The following VGLL4 variants were observed in gnomAD, a reference collection of about 807,000 sequenced individuals.
VGLL4 encodes transcription cofactor vestigial-like protein 4.
VGLL4 carries 7 observed loss-of-function variants against 21.0 expected under a neutral mutation model. That is an observed-to-expected ratio of 0.33 (90% CI 0.19 to 0.63). The LOEUF (loss-of-function observed/expected upper bound fraction) is 0.63, where lower values mean the gene tolerates loss of function less well. Among genes scored for constraint, VGLL4 ranks in the 20% least tolerant of loss-of-function variants. The pLI is 0.78. For synonymous variants in VGLL4, 222 were observed against 173.2 expected (o/e 1.28, Z -2.21); for missense variants, 394 against 425.7 (o/e 0.93, Z 0.66).
At chr3:11,609,149 T>C (rs533892562) in intron 1 of VGLL4, among the ~76,000 whole-genome samples, 1 of 152,342 alleles carries the variant, frequency 6.6e-6, no homozygotes, top group East Asian at 1.9e-4. Context: ...ATTACAGGCC[T>C]GAGCCACCGA....
intron 1 of VGLL4, chr3:11,604,414 A>G: frequency 1.0e-6 from 1 of 957,148 alleles, no homozygotes; most frequent in Non-Finnish European, 1.2e-6. Context: ...GTGCAGCCTC[A>G]CACAAGGCTT....
intron 1 of VGLL4, among the ~76,000 whole-genome samples, chr3:11,631,953 T>G (rs1284183367): frequency 6.6e-6 from 1 of 152,166 alleles, no homozygotes; most frequent in African/African-American, 2.4e-5. Flanking sequence ...TCTGTCCTAT[T>G]CAAGGCAGCG....
rs1168773498 is a variant in VGLL4, at chr3:11,565,932, C to T, written c.273-913G>A. On this transcript the variant is annotated intron_variant, in intron 2 of 4. Transcript: ENST00000430365. The surrounding 1 kb of genome is among the most constrained non-coding windows in gnomAD (Gnocchi z 4.1). The stretch of plus-strand genomic sequence containing the variant: ...CCTTGGGTCTTGCCCCTTCAATCCA[C>T]CATATTATCCGCTGACAGAGTAACC... 1.3e-5 allele frequency among the ~76,000 whole-genome samples: 2 copies of T among 152,190 alleles called. No homozygotes were observed. Among genetic ancestry groups the T allele is most frequent in the Non-Finnish European group, 2.9e-5 (2 of 68,036 alleles).
intron 1 of VGLL4, among the ~76,000 whole-genome samples, chr3:11,634,659 T>C (rs1038768368): frequency 1.4e-5 from 2 of 140,478 alleles, no homozygotes; most frequent in Admixed American, 1.5e-4. Flanking sequence ...ACCTTATTTC[T>C]GAAGGAATGA....
At chr3:11,587,284 C>A (rs955968184) in intron 2 of VGLL4, among the ~76,000 whole-genome samples, 1 of 152,200 alleles carries the variant, frequency 6.6e-6, no homozygotes, top group Non-Finnish European at 1.5e-5. Flanking sequence ...GAATCCCTGC[C>A]GATGAAGGAG....
chr3:11,669,407 A>G (rs1292407078), intron 2 of VGLL4, among the ~76,000 whole-genome samples: 2 of 152,168 alleles, frequency 1.3e-5, no homozygotes, highest in African/African-American at 4.8e-5. Flanking sequence ...GTTTTCCTCT[A>G]AAGTCTAAGA....
Position 11,565,059 on chromosome 3 carries a change from A to T in VGLL4, c.273-40T>A, listed in dbSNP as rs768388698. The T allele has an allele frequency of 6.9e-7, 1 of 1,456,088 alleles. No homozygotes were observed. The highest frequency in any genetic ancestry group is 1.5e-5 in the African/African-American group (1 of 68,502). The allele number at this position is 1,456,088 out of a possible 1,614,324, so 90.2% of individuals were successfully genotyped here. ...TGGGCATTCAGGGGGCGTTTTCTCA[A>T]AGGCAAAGGGGACAGTGACTGTGCG... On this transcript the variant is annotated intron_variant, in intron 2 of 4. Coordinates refer to ENST00000430365, the MANE Select transcript of VGLL4 (RefSeq NM_001128219.3). This position sits in a 1 kb window ranked among gnomAD's most constrained non-coding sequence, Gnocchi z 4.1.
At chr3:11,695,113 C>G (rs1356696835) in intron 2 of VGLL4, among the ~76,000 whole-genome samples, 1 of 147,648 alleles carries the variant, frequency 6.8e-6, no homozygotes, top group Non-Finnish European at 1.5e-5. Context: ...TGCAGTGGTG[C>G]AATCTCGGCT....
intron 1 of VGLL4, chr3:11,607,310 G>C (rs1209640971): frequency 1.3e-5 from 2 of 152,130 alleles, no homozygotes; most frequent in African/African-American, 4.8e-5. Flanking sequence ...ACAGTATGCT[G>C]AGTGAAGGAA....
At position 11,557,859 on chromosome 3, in the gene VGLL4, C is replaced by G. The variant is rs2072585642; in HGVS notation, c.*697G>C. 6.6e-6 allele frequency: 1 copy of G among 152,316 alleles called. No individual in the cohort carries two copies. The highest frequency in any genetic ancestry group is 1.5e-5 in the Non-Finnish European group (1 of 68,130). 9.4% of individuals were successfully genotyped at this position (152,316 alleles called of 1,614,324 possible). A position where few individuals can be genotyped will look rare whatever the true frequency, so the allele number is the denominator to read the frequency against. On this transcript the variant is annotated 3_prime_UTR_variant, in exon 5 of 5. Transcript: ENST00000430365. ...AGAGTCTGCAGTCCAGTTGCAAGCA[C>G]CTGAAATCTAGAGAGAGAAAGACCT...
At chr3:11,599,994 A>T (rs2074752331) in intron 2 of VGLL4, among the ~76,000 whole-genome samples, 1 of 152,198 alleles carries the variant, frequency 6.6e-6, no homozygotes. Context: ...GAACCCAGGC[A>T]TTTTGATTAA....
chr3:11,704,966 C>G (rs2076738189), intron 1 of VGLL4, among the ~76,000 whole-genome samples: 1 of 152,170 alleles, frequency 6.6e-6, no homozygotes, highest in South Asian at 2.1e-4. Context: ...AGTTCCTCCC[C>G]CAGAAGGGAA....
intron 1 of VGLL4, among the ~76,000 whole-genome samples, chr3:11,641,476 G>A (rs7621621): frequency 0.12 from 17,695 of 152,100 alleles, 2,072 homozygotes; most frequent in African/African-American, 0.29. Flanking sequence ...AATCCCGTGT[G>A]TGATTTATGC....
At chr3:11,619,146 G>A (rs934373816) in intron 1 of VGLL4, among the ~76,000 whole-genome samples, 1 of 152,212 alleles carries the variant, frequency 6.6e-6, no homozygotes, top group Admixed American at 6.5e-5. Flanking sequence ...AAGTGAAAAT[G>A]ATGGAAGATG....
chr3:11,647,944 C>A (rs1336406228), upstream of VGLL4, among the ~76,000 whole-genome samples: 2 of 151,384 alleles, frequency 1.3e-5, no homozygotes, highest in African/African-American at 2.4e-5. Flanking sequence ...TTAAGAAACA[C>A]CATGTAGATT....
intron 1 of VGLL4, among the ~76,000 whole-genome samples, chr3:11,639,063 G>T (rs56664144): frequency 6.6e-6 from 1 of 152,158 alleles, no homozygotes; most frequent in East Asian, 1.9e-4. Flanking sequence ...TATAAATCAC[G>T]CTATTAAATT....
In VGLL4 at chr3:11,659,333, T is replaced by C. The variant is rs1425096215; in HGVS notation, c.64+43638A>G. ...TCTTTTCTTTTTCTTTTTCTTTTTT[T>C]TTTTTTTTTTTTTTTGAGACAGAGT... On this transcript the variant is annotated intron_variant, in intron 2 of 5. Transcript: ENST00000273038. 1.3e-4 allele frequency among the ~76,000 whole-genome samples: 18 copies of C among 140,892 alleles called. 1 individual carries two copies. The highest frequency in any genetic ancestry group is 4.6e-4 in the South Asian group (2 of 4,302). The allele number at this position is 140,892 out of a possible 152,430, so 92.4% of individuals were successfully genotyped here. A position where few individuals can be genotyped will look rare whatever the true frequency, so the allele number is the denominator to read the frequency against.
chr3:11,650,997 T>G (rs1193244605), intron 2 of VGLL4, among the ~76,000 whole-genome samples: 2 of 152,194 alleles, frequency 1.3e-5, no homozygotes, highest in African/African-American at 4.8e-5. Flanking sequence ...ACATTTTTGC[T>G]TCGTAATCTA....
chr3:11,609,573 C>A (rs1048706691), intron 1 of VGLL4, among the ~76,000 whole-genome samples: 1 of 152,194 alleles, frequency 6.6e-6, no homozygotes, highest in South Asian at 2.1e-4. Flanking sequence ...TTTCATAGAA[C>A]AGAACAATCA....
Sources: gnomAD v4.1 joint callset for allele counts (sites outside exome capture counted in the v4.1 genomes callset) on GRCh38, gnomAD v4.1.1 for gene constraint, Gnocchi (gnomAD v3.1) non-coding constraint, MANE v1.5 for transcripts, NCBI Gene and HGNC (gene_info 2026-07-23, HGNC 2026-07-21) for gene names.